OXNAD1: variants seen among roughly 807,000 people sequenced by gnomAD.
OXNAD1 encodes oxidoreductase NAD-binding domain-containing protein 1.
OXNAD1 carries 34 observed loss-of-function variants against 32.9 expected under a neutral mutation model. That is an observed-to-expected ratio of 1.03 (90% CI 0.79 to 1.38). The LOEUF is 1.38. Ranked by LOEUF, OXNAD1 falls within the 40% of genes most tolerant of loss-of-function variation. The pLI, the probability that OXNAD1 is intolerant of heterozygous loss-of-function variation, is 0.00. For synonymous variants in OXNAD1, 134 were observed against 135.2 expected (o/e 0.99, Z 0.06); for missense variants, 407 against 379.4 (o/e 1.07, Z -0.60).
In OXNAD1 at chr3:16,301,624, A is replaced by C; in HGVS notation, c.433-2A>C. ...TAAAAGGTCTTTTCTTTCCTGCCTT[A>C]GTGTACACTTGACTGTGAAGTGGCT... On this transcript the variant is annotated splice_acceptor_variant, in intron 6 of 8. Transcript: ENST00000285083. LOFTEE classifies it high-confidence loss of function. The surrounding 1 kb of genome is among the most constrained non-coding windows in gnomAD (Gnocchi z 4.1). The C allele has an allele frequency of 6.2e-7, 1 of 1,613,838 alleles. No homozygotes were observed.
intron 4 of OXNAD1, among the ~76,000 whole-genome samples, chr3:16,278,967 C>T (rs1193692764): frequency 6.6e-6 from 1 of 152,224 alleles, no homozygotes. Context: ...TACTGGTCAT[C>T]ACCTATGCAT....
At chr3:16,343,410 A>G (rs2071436721) in intron 9 of OXNAD1, among the ~76,000 whole-genome samples, 1 of 152,200 alleles carries the variant, frequency 6.6e-6, no homozygotes, top group Non-Finnish European at 1.5e-5. Flanking sequence ...CCCTTCAAAG[A>G]TATGAGGAAG....
intron 4 of OXNAD1, among the ~76,000 whole-genome samples, chr3:16,272,990 A>G (rs1404195091): frequency 3.9e-5 from 6 of 152,168 alleles, no homozygotes; most frequent in Admixed American, 3.9e-4. Context: ...TGTCTTAATT[A>G]CAACTTCTAA....
chr3:16,271,045 C>T lies in OXNAD1; in HGVS notation c.93C>T (p.Ser31=). The change falls in exon 3 of 9, where the codon AGC becomes AGT. Residue 31 remains serine, a synonymous_variant. Coordinates refer to ENST00000285083, the MANE Select transcript of OXNAD1 (RefSeq NM_138381.5). This position sits in a 1 kb window ranked among gnomAD's most constrained non-coding sequence, Gnocchi z 4.6. ...CTGCGTCACTGAGATTGACACTCAG[C>T]ACTTTGCGCCACCTTACTCTAACCA... ...IEAASLRLTL[S]TLRHLTLTSI... is the part of the protein sequence containing the mutation. The T allele has an allele frequency of 6.2e-7, 1 of 1,614,162 alleles. No homozygotes were observed. The highest frequency in any genetic ancestry group is 8.5e-7 in the Non-Finnish European group (1 of 1,180,028).
chr3:16,294,682 T>A (rs2066650840), intron 5 of OXNAD1, among the ~76,000 whole-genome samples, 174 bp from the exon 6 acceptor site: 1 of 152,254 alleles, frequency 6.6e-6, no homozygotes, highest in African/African-American at 2.4e-5. Context: ...TAGTTGTTCA[T>A]GGAATTCCTT....
intron 1 of OXNAD1, among the ~76,000 whole-genome samples, chr3:16,268,532 T>C (rs983005124): frequency 1.3e-5 from 2 of 151,944 alleles, no homozygotes; most frequent in African/African-American, 4.8e-5. Context: ...GGTTTCACCA[T>C]GTTGACCAGG....
Position 16,322,022 on chromosome 3 carries a change from G to A in OXNAD1, c.*31-15090G>A, listed in dbSNP as rs61129840. Among the ~76,000 whole-genome samples the A allele has an allele frequency of 0.033, 5,072 of 152,286 alleles. 146 individuals are homozygous for A. The highest frequency in any genetic ancestry group is 0.11 in the East Asian group (564 of 5,174). On this transcript the variant is annotated intron_variant, in intron 9 of 9. Coordinates refer to the OXNAD1 transcript ENST00000435829. This position sits in a 1 kb window ranked among gnomAD's most constrained non-coding sequence, Gnocchi z 6.2. ...CCATCTCCCTCTGTAAGGCTGCAGC[G>A]GGTGTCTGTCAGCATCTGACAGGGG...
At chr3:16,266,494 T>C (rs2064514323) in intron 1 of OXNAD1, among the ~76,000 whole-genome samples, 2 of 149,432 alleles carry the variant, frequency 1.3e-5, no homozygotes, top group Admixed American at 1.4e-4. Context: ...TCCCAGCCAC[T>C]CAGGAGGCTG....
chr3:16,340,629 G>A (rs1010034883), downstream of OXNAD1, among the ~76,000 whole-genome samples: 1 of 152,238 alleles, frequency 6.6e-6, no homozygotes, highest in Admixed American at 6.5e-5. Flanking sequence ...AACATTTAAT[G>A]GAGATGAGTG....
At chr3:16,270,636 C>A (rs1371336133) in intron 2 of OXNAD1, among the ~76,000 whole-genome samples, 1 of 152,144 alleles carries the variant, frequency 6.6e-6, no homozygotes, top group Non-Finnish European at 1.5e-5. Context: ...CTCCCCTCTT[C>A]TATAATAGCA....
downstream of OXNAD1, among the ~76,000 whole-genome samples, chr3:16,352,016 C>T (rs1313469156): frequency 6.6e-6 from 1 of 152,212 alleles, no homozygotes; most frequent in Non-Finnish European, 1.5e-5. This position sits in a 1 kb window ranked among gnomAD's most constrained non-coding sequence, Gnocchi z 4.6. Context: ...TCTACTTCAG[C>T]AGACACTCAA....
chr3:16,282,820 C>CTTTTTTTT (rs11379565), intron 4 of OXNAD1, among the ~76,000 whole-genome samples: 2 of 72,014 alleles, frequency 2.8e-5, no homozygotes, highest in Non-Finnish European at 4.9e-5. Context: ...GGACTTTCAG[C>CTTTTTTTT]TTTTTTTTTT....
chr3:16,292,022 T>G (rs2066462659), intron 5 of OXNAD1, among the ~76,000 whole-genome samples: 1 of 152,230 alleles, frequency 6.6e-6, no homozygotes, highest in Non-Finnish European at 1.5e-5. Flanking sequence ...GCCATTTATA[T>G]GTCTTCTTTG....
Position 16,312,103 on chromosome 3 carries a change from C to A in OXNAD1, c.*30+8511C>A, listed in dbSNP as rs1321029412. 6.6e-6 allele frequency among the ~76,000 whole-genome samples: 1 copy of A among 152,198 alleles called. No homozygotes were observed. Among genetic ancestry groups the A allele is most frequent in the African/African-American group, 2.4e-5 (1 of 41,440 alleles). ...TTCATCTGCAGCCAGGGTTCATTTT[C>A]TTAGTCTAGCCACTGAAACGATTGT... is the stretch of plus-strand genomic sequence containing the variant. On this transcript the variant is annotated intron_variant, in intron 9 of 9. Coordinates refer to the OXNAD1 transcript ENST00000435829. This position sits in a 1 kb window ranked among gnomAD's most constrained non-coding sequence, Gnocchi z 4.7.
rs371807536 is a variant in OXNAD1, at chr3:16,302,765, T to C, written c.784+17T>C. 194 of 1,557,622 alleles carry C rather than the reference T, an allele frequency of 1.2e-4. No individual in the cohort carries two copies. Among genetic ancestry groups the C allele is most frequent in the Non-Finnish European group, 1.6e-4 (176 of 1,131,306 alleles). On this transcript the variant is annotated intron_variant, in intron 8 of 8. Coordinates refer to ENST00000285083, the MANE Select transcript of OXNAD1 (RefSeq NM_138381.5). The surrounding 1 kb of genome is among the most constrained non-coding windows in gnomAD (Gnocchi z 4.2). Reference sequence around the variant, plus strand: ...ACATCACGGGTGAGTCCCCTAAAGATATTTTGACTATCTCCATGCAGTTAT... The same window carrying C: ...ACATCACGGGTGAGTCCCCTAAAGACATTTTGACTATCTCCATGCAGTTAT...
At chr3:16,281,737 C>T (rs1050012855) in intron 4 of OXNAD1, among the ~76,000 whole-genome samples, 1 of 152,080 alleles carries the variant, frequency 6.6e-6, no homozygotes, top group African/African-American at 2.4e-5. Context: ...GACGCATTCT[C>T]AGGTGTCTCA....
rs114134135 is a variant in OXNAD1, at chr3:16,303,743, A to G, written c.*181A>G. ...CAGACTTAAATGATAAACTTTTTGC[A>G]AAGACCTCAGTGATCAAACTATTTT... On this transcript the variant is annotated 3_prime_UTR_variant, in exon 9 of 9. Coordinates refer to ENST00000285083, the MANE Select transcript of OXNAD1 (RefSeq NM_138381.5). This position sits in a 1 kb window ranked among gnomAD's most constrained non-coding sequence, Gnocchi z 4.8. The G allele has an allele frequency of 1.9e-4, 112 of 587,128 alleles. No individual in the cohort carries two copies. The highest frequency in any genetic ancestry group is 1.9e-3 in the African/African-American group (99 of 53,282). 36.4% of individuals were successfully genotyped at this position (587,128 alleles called of 1,614,324 possible).
intron 9 of OXNAD1, among the ~76,000 whole-genome samples, chr3:16,328,265 CTA>C (rs940536597): frequency 6.6e-5 from 10 of 152,220 alleles, no homozygotes; most frequent in African/African-American, 2.4e-4. Flanking sequence ...AAAGCTGGGC[CTA>C]GAGTGCCAAG....
In OXNAD1 at chr3:16,312,560, C is replaced by T. The variant is rs558906607; in HGVS notation, c.*30+8968C>T. Among the ~76,000 whole-genome samples, 5 of 152,334 alleles carry T rather than the reference C, an allele frequency of 3.3e-5. No homozygotes were observed. Among genetic ancestry groups the T allele is most frequent in the African/African-American group, 1.2e-4 (5 of 41,588 alleles). On this transcript the variant is annotated intron_variant, in intron 9 of 9. Coordinates refer to the OXNAD1 transcript ENST00000435829. The surrounding 1 kb of genome is among the most constrained non-coding windows in gnomAD (Gnocchi z 4.7). ...GAGCCCTAGCAGGACAGAGCCCAGA[C>T]TGTGTGCTCCCTGCAGCACAGTGCC...
Sources: allele counts gnomAD v4.1 joint callset (sites outside exome capture counted in the v4.1 genomes callset), GRCh38; gene constraint gnomAD v4.1.1; non-coding constraint Gnocchi (gnomAD v3.1); transcripts MANE v1.5; gene names NCBI Gene and HGNC (gene_info 2026-07-23, HGNC 2026-07-21).